The following PAXBP1 variants were observed in gnomAD, a reference collection of about 807,000 sequenced individuals.
PAXBP1 encodes PAX3- and PAX7-binding protein 1.
In PAXBP1, 44 loss-of-function variants were observed where a neutral mutation model predicts 119.9. The ratio of observed to expected loss-of-function variants is 0.37; its 90% CI spans 0.29 to 0.47. The LOEUF is 0.47. Among genes scored for constraint, PAXBP1 ranks in the 20% least tolerant of loss-of-function variants. The pLI is 0.99. For missense variants in PAXBP1, 898 were observed against 1,134.1 expected (o/e 0.79, Z 2.99); for synonymous variants, 393 against 406.6 (o/e 0.97, Z 0.40).
intron 1 of PAXBP1, among the ~76,000 whole-genome samples, chr21:32,770,590 T>C (rs2146533134): frequency 6.6e-6 from 1 of 152,332 alleles, no homozygotes; most frequent in South Asian, 2.1e-4. Context: ...AACATGGAAT[T>C]AACTGGGTTA....
At chr21:32,758,504 C>T (rs1261194526) in intron 7 of PAXBP1, among the ~76,000 whole-genome samples, 2 of 151,288 alleles carry the variant, frequency 1.3e-5, no homozygotes, top group Non-Finnish European at 2.9e-5. Flanking sequence ...TGTCAACTGA[C>T]TATCCTATTG....
intron 17 of PAXBP1, among the ~76,000 whole-genome samples, chr21:32,736,001 T>C (rs2043687555): frequency 6.6e-6 from 1 of 152,208 alleles, no homozygotes; most frequent in Non-Finnish European, 1.5e-5. Flanking sequence ...AAACACTATT[T>C]GTTGATATTT....
chr21:32,743,793 C>T, intron 13 of PAXBP1, 39 bp from the exon 14 acceptor site: 1 of 1,132,300 alleles, frequency 8.8e-7, no homozygotes, highest in Non-Finnish European at 1.3e-6. Context: ...TTAATAAGGA[C>T]TATGACAAGA....
At chr21:32,767,804 G>C (rs575186886) in intron 2 of PAXBP1, among the ~76,000 whole-genome samples, 1 of 152,262 alleles carries the variant, frequency 6.6e-6, no homozygotes, top group African/African-American at 2.4e-5. Context: ...CCAGTCTTGG[G>C]TATGTCTTTA....
chr21:32,734,532 T>C lies in PAXBP1; in HGVS notation c.*418A>G, dbSNP rs1377556292. On this transcript the variant is annotated 3_prime_UTR_variant, in exon 18 of 18. Transcript: ENST00000331923. ...CAGTGTAGTAATTTCCCTAAGACAA[T>C]TTGCTACCGGATAATTTTCTGCTGT... 1.0e-5 allele frequency: 2 copies of C among 193,960 alleles called. No individual in the cohort carries two copies. The highest frequency in any genetic ancestry group is 2.1e-5 in the Non-Finnish European group (2 of 95,154). 12.0% of individuals were successfully genotyped at this position (193,960 alleles called of 1,614,324 possible).
At position 32,769,807 on chromosome 21, in the gene PAXBP1, T is replaced by A; in HGVS notation, c.472+7A>T. ...TTTCAAAAGAATTCAATTAGTTTGG[T>A]ACTTACTTTCAGCTGATGAGTTGAG... On this transcript the variant is annotated splice_region_variant and intron_variant, in intron 2 of 17. Coordinates refer to ENST00000331923, the MANE Select transcript of PAXBP1 (RefSeq NM_016631.4). The A allele has an allele frequency of 6.2e-7, 1 of 1,601,328 alleles. No homozygotes were observed. Among genetic ancestry groups the A allele is most frequent in the Non-Finnish European group, 8.5e-7 (1 of 1,177,064 alleles).
intron 7 of PAXBP1, chr21:32,755,717 G>C (rs539943368): frequency 1.5e-4 from 24 of 159,482 alleles, no homozygotes; most frequent in Non-Finnish European, 2.5e-4. Flanking sequence ...TTTTCCAGCA[G>C]CATTATCTGC....
intron 4 of PAXBP1, among the ~76,000 whole-genome samples, chr21:32,761,393 T>C (rs149327900): frequency 2.0e-3 from 311 of 152,354 alleles, no homozygotes; most frequent in African/African-American, 7.2e-3. Context: ...TGGATGTGTT[T>C]CTTAATCTCT....
At chr21:32,742,819 T>G (rs2043808409) in intron 15 of PAXBP1, 1 of 325,020 alleles carries the variant, frequency 3.1e-6, no homozygotes, top group African/African-American at 2.2e-5. Flanking sequence ...TAGTTATTGT[T>G]AATCTCTTAC....
intron 8 of PAXBP1, among the ~76,000 whole-genome samples, chr21:32,753,609 A>C: frequency 6.6e-6 from 1 of 152,204 alleles, no homozygotes; most frequent in East Asian, 1.9e-4. Context: ...GAAGAATTTC[A>C]GACTATTCTT....
Position 32,738,208 on chromosome 21 carries a change from C to G in PAXBP1, c.2446G>C (p.Glu816Gln), listed in dbSNP as rs766075624. The change falls in exon 16 of 18, where the codon GAA becomes CAA. Residue 816 changes from glutamate to glutamine, a missense_variant. By Grantham distance (29) the Glu-to-Gln change is conservative (BLOSUM62 2). Transcript: ENST00000331923. Reference protein sequence around the residue: ...RYILMAFQNSEYGDDSIKKAQ... With the variant: ...RYILMAFQNSQYGDDSIKKAQ... ...TTTTTGATGCTGTCATCTCCATATT[C>G]TGAATTCTGAAAAGCCATGAGAATA... is the stretch of plus-strand genomic sequence containing the variant. 4 of 1,597,630 alleles carry G rather than the reference C, an allele frequency of 2.5e-6. No individual in the cohort carries two copies. The South Asian group carries it at 4.6e-5, about 19-fold the overall frequency.
chr21:32,751,207 T>C lies in PAXBP1; in HGVS notation c.1519A>G (p.Met507Val). The change falls in exon 9 of 18, where the codon ATG becomes GTG. Residue 507 changes from methionine to valine, a missense_variant. By Grantham distance (21) the Met-to-Val change is conservative. This residue lies in a region of PAXBP1 where 599 missense variants were observed against 852.7 expected (regional missense o/e 0.70). Coordinates refer to ENST00000331923, the MANE Select transcript of PAXBP1 (RefSeq NM_016631.4). ...EFSSHSNKALMAPNLDSFGRD... is the reference protein window; with the variant it reads ...EFSSHSNKALVAPNLDSFGRD... ...CCAAAGGAGTCAAGATTTGGTGCCA[T>C]CAGAGCTTTGTCTGCAAAACAACAA... is the stretch of plus-strand genomic sequence containing the variant. 1.2e-6 allele frequency: 2 copies of C among 1,614,056 alleles called. No homozygotes were observed. The highest frequency in any genetic ancestry group is 1.7e-6 in the Non-Finnish European group (2 of 1,179,934).
intron 14 of PAXBP1, 109 bp from the exon 15 acceptor site, chr21:32,743,423 T>G: frequency 1.2e-6 from 1 of 817,924 alleles, no homozygotes; most frequent in Non-Finnish European, 1.9e-6. Context: ...AAATAAATTT[T>G]TAATTTTTCA....
In PAXBP1 at chr21:32,734,941, C is replaced by T; in HGVS notation, c.*9G>A. ...TAATCAAGCAAATAGGTTTTTCAGT[C>T]TCATAGATCTATTTTCCTTCGATCA... On this transcript the variant is annotated 3_prime_UTR_variant, in exon 18 of 18. Transcript: ENST00000331923. 4 of 1,599,262 alleles carry T rather than the reference C, an allele frequency of 2.5e-6. No individual in the cohort carries two copies. The highest frequency in any genetic ancestry group is 2.6e-6 in the Non-Finnish European group (3 of 1,166,858).
At position 32,744,302 on chromosome 21, in the gene PAXBP1, G is replaced by A. The variant is rs575290589; in HGVS notation, c.2190+490C>T. Among the ~76,000 whole-genome samples, 9 of 151,500 alleles carry A rather than the reference G, an allele frequency of 5.9e-5. No individual in the cohort carries two copies. In the South Asian group the frequency reaches 6.3e-4, roughly 11 times the overall value. The stretch of plus-strand genomic sequence containing the variant: ...GAAAAAAAAAAAGGAGGGGGGCGGG[G>A]TCTGTGCATAAATTTCATGTATTAA... On this transcript the variant is annotated intron_variant, in intron 13 of 17. Coordinates refer to ENST00000331923, the MANE Select transcript of PAXBP1 (RefSeq NM_016631.4).
At position 32,742,662 on chromosome 21, in the gene PAXBP1, C is replaced by A. The variant is rs76823866; in HGVS notation, c.2334+586G>T. 641 of 189,336 alleles carry A rather than the reference C, an allele frequency of 3.4e-3. 5 individuals are homozygous for A. The highest frequency in any genetic ancestry group is 0.014 in the African/African-American group (609 of 42,100). 11.7% of individuals were successfully genotyped at this position (189,336 alleles called of 1,614,324 possible). On this transcript the variant is annotated intron_variant, in intron 15 of 17. Coordinates refer to ENST00000331923, the MANE Select transcript of PAXBP1 (RefSeq NM_016631.4). The stretch of plus-strand genomic sequence containing the variant: ...CTTCTAGCTTACTCAGTGCTATATC[C>A]CCGAACCTCAGAAGAGTATCTGCTA...
intron 16 of PAXBP1, among the ~76,000 whole-genome samples, chr21:32,737,966 GATATAT>G (rs112423516): frequency 1.8e-3 from 273 of 150,354 alleles, no homozygotes; most frequent in Middle Eastern, 6.9e-3. Flanking sequence ...GATATAGATG[GATATAT>G]ATATATATAA....
intron 16 of PAXBP1, 122 bp from the exon 17 acceptor site, chr21:32,737,530 A>T (rs1026991454): frequency 1.4e-6 from 1 of 739,552 alleles, no homozygotes; most frequent in Non-Finnish European, 2.1e-6. Flanking sequence ...GAGCTACAGC[A>T]ATTACTCTGA....
At chr21:32,761,907 G>A (rs984676653) in intron 4 of PAXBP1, among the ~76,000 whole-genome samples, 189 bp downstream of exon 4, 2 of 152,094 alleles carry the variant, frequency 1.3e-5, no homozygotes, top group East Asian at 1.9e-4. Context: ...GTGTGGTGAC[G>A]CACACCTGTA....
Sources: gnomAD v4.1 joint callset for allele counts (sites outside exome capture counted in the v4.1 genomes callset) on GRCh38, gnomAD v4.1.1 for gene constraint, gnomAD v4.1.1 regional missense constraint, MANE v1.5 for transcripts, NCBI Gene and HGNC (gene_info 2026-07-23, HGNC 2026-07-21) for gene names.